Variants in SLC35E3 observed in about 807,000 individuals in gnomAD.
SLC35E3 encodes the protein bladder cancer-overexpressed gene 1 protein.
SLC35E3 carries 28 observed loss-of-function variants against 30.8 expected under a neutral mutation model. The observed-to-expected ratio is 0.91, with a 90% CI of 0.67 to 1.25. The LOEUF (loss-of-function observed/expected upper bound fraction) is 1.25. Among genes scored for constraint, SLC35E3 ranks in the 50% most tolerant of loss-of-function variants. SLC35E3 has a pLI of 0.00. For missense variants in SLC35E3, 365 were observed against 375.4 expected, an observed-to-expected ratio of 0.97 and a Z score of 0.23; for synonymous variants, 146 against 149.2, an observed-to-expected ratio of 0.98 and a Z score of 0.16.
rs117700626 is a variant in SLC35E3 at position 68,749,272 on chromosome 12, A to G, written c.513+1232A>G. On this transcript the variant is annotated intron_variant, in intron 2 of 4. Transcript: ENST00000398004. The stretch of plus-strand genomic sequence containing the variant: ...ATTGTAGATTAATGGACAGTTTCTT[A>G]TCAGTAAGTGGTAAAGGTACCATTA... Among the ~76,000 whole-genome samples, 1,457 of 152,366 alleles carry G rather than the reference A, an allele frequency of 9.6e-3. 74 individuals carry two copies. Among genetic ancestry groups the G allele is most frequent in the Admixed American group, 0.085 (1,302 of 15,304 alleles).
chr12:68,758,435 A>G (rs762455566), intron 3 of SLC35E3, among the ~76,000 whole-genome samples: 4 of 152,042 alleles, frequency 2.6e-5, no homozygotes, highest in Non-Finnish European at 5.9e-5. Flanking sequence ...AAAAAGAAAA[A>G]GATCTCGAAG....
Position 68,778,333 on chromosome 12 carries a change from C to G in SLC35E3, c.*13443C>G, listed in dbSNP as rs1362431592. ...CTTCTAATAGAGGTGATAGAGCAGGCAGCAGGGAAGTTAGTAACCTTGTCT... is the reference window on the plus strand; with the variant it reads ...CTTCTAATAGAGGTGATAGAGCAGGGAGCAGGGAAGTTAGTAACCTTGTCT... On this transcript the variant is annotated 3_prime_UTR_variant, in exon 5 of 5. Coordinates refer to ENST00000398004, the MANE Select transcript of SLC35E3 (RefSeq NM_018656.5). 6.6e-6 allele frequency: 1 copy of G among 151,940 alleles called. No homozygotes were observed. The highest frequency in any genetic ancestry group is 1.5e-5 in the Non-Finnish European group (1 of 68,008). 9.4% of individuals were successfully genotyped at this position (151,940 alleles called of 1,614,324 possible).
chr12:68,753,221 G>A (rs1878870563), intron 3 of SLC35E3, among the ~76,000 whole-genome samples: 2 of 152,024 alleles, frequency 1.3e-5, no homozygotes, highest in South Asian at 4.2e-4. Context: ...GGTGGAGGTT[G>A]CAATGAGCCA....
At position 68,746,640 on chromosome 12, in the gene SLC35E3, T is replaced by C. The variant is rs756872623; in HGVS notation, c.263T>C (p.Val88Ala). ...CTGGCCCTCAGCTTCTGTGGCTTTG[T>C]GGTCTTCACTAACCTTTCTCTGCAG... ...LLLALSFCGF[V>A]VFTNLSLQNN... The change falls in exon 1 of 5, where the codon GTG becomes GCG. Residue 88 changes from valine to alanine, a missense_variant. By Grantham distance (64) the Val-to-Ala change is moderately conservative. Transcript: ENST00000398004. 3 of 1,614,130 alleles carry C rather than the reference T, an allele frequency of 1.9e-6. No homozygotes were observed. The highest frequency in any genetic ancestry group is 4.5e-5 in the East Asian group (2 of 44,902).
chr12:68,756,592 G>A lies in SLC35E3; in HGVS notation c.673-2565G>A, dbSNP rs561589750. ...ATACTAGCTAACTGAATCTAATGAC[G>A]TATCAAAAAGATAATCCACCATGAT... On this transcript the variant is annotated intron_variant, in intron 3 of 4. Transcript: ENST00000398004. Among the ~76,000 whole-genome samples, 7 of 152,142 alleles carry A rather than the reference G, an allele frequency of 4.6e-5. No homozygotes were observed. In the South Asian group the frequency reaches 8.3e-4, roughly 18 times the overall value.
At chr12:68,752,536 T>TA (rs1276613570) in intron 3 of SLC35E3, among the ~76,000 whole-genome samples, 2 of 152,226 alleles carry the variant, frequency 1.3e-5, no homozygotes, top group Non-Finnish European at 2.9e-5. Context: ...AACATAGCTT[T>TA]ATAATCACTA....
intron 3 of SLC35E3, among the ~76,000 whole-genome samples, chr12:68,758,729 C>CTTTTTTTTTTTT (rs776771224): frequency 1.4e-4 from 7 of 48,420 alleles, no homozygotes; most frequent in African/African-American, 4.9e-4. Context: ...AATTCTCTTT[C>CTTTTTTTTTTTT]TTTTTTTTTT....
intron 3 of SLC35E3, among the ~76,000 whole-genome samples, chr12:68,758,281 G>A (rs1332212898): frequency 6.6e-6 from 1 of 151,974 alleles, no homozygotes; most frequent in East Asian, 1.9e-4. Context: ...TTAGCCGGGC[G>A]CAGTGGCAGG....
chr12:68,751,846 C>T (rs1162647200), intron 2 of SLC35E3, among the ~76,000 whole-genome samples, 186 bp from the exon 3 acceptor site: 1 of 152,192 alleles, frequency 6.6e-6, no homozygotes, highest in African/African-American at 2.4e-5. Flanking sequence ...GAGCTATTTT[C>T]ATCCATGGTG....
intron 4 of SLC35E3, among the ~76,000 whole-genome samples, chr12:68,760,662 AT>A (rs1879208431): frequency 6.6e-6 from 1 of 152,204 alleles, no homozygotes; most frequent in Non-Finnish European, 1.5e-5. Flanking sequence ...TAAAACATTA[AT>A]TTATTCAATA....
chr12:68,759,012 A>C, intron 3 of SLC35E3, 145 bp from the exon 4 acceptor site: 1 of 611,720 alleles, frequency 1.6e-6, no homozygotes, highest in Non-Finnish European at 2.8e-6. Flanking sequence ...TACAGGCGTG[A>C]GCCACCGCGC....
intron 4 of SLC35E3, 65 bp from the exon 5 acceptor site, chr12:68,764,639 G>T: frequency 2.7e-6 from 4 of 1,506,150 alleles, no homozygotes; most frequent in Non-Finnish European, 2.7e-6. Flanking sequence ...TATGCAGTGC[G>T]AGTGTGTGTG....
intron 4 of SLC35E3, among the ~76,000 whole-genome samples, chr12:68,761,465 A>G (rs769879249): frequency 1.7e-4 from 26 of 151,440 alleles, no homozygotes; most frequent in Admixed American, 4.0e-4. Context: ...GGATTTCTCA[A>G]CCTCTGGGCT....
intron 2 of SLC35E3, 106 bp downstream of exon 2, chr12:68,748,146 G>A: frequency 1.5e-6 from 1 of 668,910 alleles, no homozygotes; most frequent in East Asian, 2.6e-5. Flanking sequence ...AGACTGTTGG[G>A]AAGAAAGCAT....
intron 3 of SLC35E3, among the ~76,000 whole-genome samples, chr12:68,752,732 G>A (rs2136069219): frequency 6.6e-6 from 1 of 152,294 alleles, no homozygotes; most frequent in Non-Finnish European, 1.5e-5. Flanking sequence ...TGGGCAGGGT[G>A]TGGTGGCTCA....
rs1565713940 is a variant in SLC35E3, at chr12:68,755,061, T to C, written c.672+2871T>C. 2.0e-5 allele frequency among the ~76,000 whole-genome samples: 3 copies of C among 152,218 alleles called. No homozygotes were observed. In the East Asian group the frequency reaches 5.8e-4, roughly 29 times the overall value. On this transcript the variant is annotated intron_variant, in intron 3 of 4. Transcript: ENST00000398004. ...TTCTTGGTGAAGGCTCTTTTCCTGC[T>C]TTATAGATGGCAGTCTTCTTGCCAT...
At chr12:68,747,266 C>CTTTTTTTTT (rs201303961) in intron 1 of SLC35E3, among the ~76,000 whole-genome samples, 1 of 143,804 alleles carries the variant, frequency 7.0e-6, no homozygotes, top group Non-Finnish European at 1.5e-5. Context: ...AGGTCTTTTT[C>CTTTTTTTTT]TTTTTTTTTT....
rs1378131952 is a variant in SLC35E3, at chr12:68,765,930, C to A, written c.*1040C>A. ...CTCTCTGCTTGCTGATAGATGGTTTCCCAGTGTGAGATTTGTTATTTTGAT... is the reference window on the plus strand; with the variant it reads ...CTCTCTGCTTGCTGATAGATGGTTTACCAGTGTGAGATTTGTTATTTTGAT... On this transcript the variant is annotated 3_prime_UTR_variant, in exon 5 of 5. Transcript: ENST00000398004. 6.6e-6 allele frequency: 1 copy of A among 150,404 alleles called. No individual in the cohort carries two copies. Among genetic ancestry groups the A allele is most frequent in the Non-Finnish European group, 1.5e-5 (1 of 67,698 alleles). 9.3% of individuals were successfully genotyped at this position (150,404 alleles called of 1,614,324 possible). A position where few individuals can be genotyped will look rare whatever the true frequency, so the allele number is the denominator to read the frequency against.
intron 4 of SLC35E3, 33 bp downstream of exon 4, chr12:68,759,272 T>C: frequency 6.6e-7 from 1 of 1,515,176 alleles, no homozygotes; most frequent in South Asian, 1.2e-5. Flanking sequence ...AAATGCATCG[T>C]CTTTTATATT....
Sources: allele counts gnomAD v4.1 joint callset (sites outside exome capture counted in the v4.1 genomes callset), GRCh38; gene constraint gnomAD v4.1.1; transcripts MANE v1.5; gene names NCBI Gene and HGNC (gene_info 2026-07-23, HGNC 2026-07-21).